Variants in MAP2K6 observed in about 807,000 individuals in gnomAD.
MAP2K6 encodes the protein dual specificity mitogen-activated protein kinase kinase 6.
In MAP2K6, 16 loss-of-function variants were observed where a neutral mutation model predicts 53.7. That is an observed-to-expected ratio of 0.30 (90% CI 0.20 to 0.45). The LOEUF (loss-of-function observed/expected upper bound fraction) is 0.45. Among genes scored for constraint, MAP2K6 ranks in the 20% least tolerant of loss-of-function variants. The pLI is 1.00. For synonymous variants in MAP2K6, 132 were observed against 143.1 expected (o/e 0.92, Z 0.55); for missense variants, 204 against 411.9 (o/e 0.50, Z 4.37).
intron 10 of MAP2K6, among the ~76,000 whole-genome samples, chr17:69,532,981 T>A (rs1286242028): frequency 6.6e-6 from 1 of 152,100 alleles, no homozygotes; most frequent in East Asian, 1.9e-4. Flanking sequence ...CAGGCTGGAG[T>A]GCAGTGGTGC....
In MAP2K6 at chr17:69,492,736, C is replaced by A. The variant is rs776670628; in HGVS notation, c.17-13044C>A. On this transcript the variant is annotated intron_variant, in intron 1 of 11. Coordinates refer to ENST00000590474, the MANE Select transcript of MAP2K6 (RefSeq NM_002758.4). ...CCCTCTGCCCCTCTGTGTAAGGACA[C>A]TTCTGATTGCATTTAAGTCCCACCT... 1.3e-3 allele frequency among the ~76,000 whole-genome samples: 196 copies of A among 152,200 alleles called. 1 individual carries two copies. Among genetic ancestry groups the A allele is most frequent in the Non-Finnish European group, 1.9e-3 (132 of 68,032 alleles).
At chr17:69,482,674 C>T (rs1908388942) in intron 1 of MAP2K6, among the ~76,000 whole-genome samples, 3 of 133,542 alleles carry the variant, frequency 2.2e-5, no homozygotes, top group African/African-American at 9.2e-5. Flanking sequence ...CCCTGTTCCT[C>T]ATTTAGCCAT....
At chr17:69,509,966 CA>C (rs1909731046) in intron 2 of MAP2K6, among the ~76,000 whole-genome samples, 1 of 152,068 alleles carries the variant, frequency 6.6e-6, no homozygotes, top group Admixed American at 6.6e-5. Flanking sequence ...TCTCAGCCTC[CA>C]AAGTAGGTGG....
chr17:69,552,061 A>G lies in MAP2K6; in HGVS notation c.*10308A>G, dbSNP rs1912121462. ...AATATGGACTTTGTAAGGAAACACA[A>G]CAACACGTTTTCTTACCTTCTGTAA... On this transcript the variant is annotated 3_prime_UTR_variant, in exon 12 of 12. Transcript: ENST00000590474. The G allele has an allele frequency of 6.6e-6, 1 of 152,142 alleles. No homozygotes were observed. Among genetic ancestry groups the G allele is most frequent in the Non-Finnish European group, 1.5e-5 (1 of 68,026 alleles). 9.4% of individuals were successfully genotyped at this position (152,142 alleles called of 1,614,324 possible). A position where few individuals can be genotyped will look rare whatever the true frequency, so the allele number is the denominator to read the frequency against.
chr17:69,487,372 T>A (rs1285839182), intron 1 of MAP2K6, among the ~76,000 whole-genome samples: 1 of 152,164 alleles, frequency 6.6e-6, no homozygotes, highest in Non-Finnish European at 1.5e-5. Flanking sequence ...ATTAAGCAAT[T>A]CGTGTGAAAT....
chr17:69,415,046 A>G (rs376609618), intron 1 of MAP2K6, 46 bp downstream of exon 1: 3 of 1,512,480 alleles, frequency 2.0e-6, no homozygotes, highest in South Asian at 2.3e-5. Context: ...AGGGTTGTGC[A>G]TGCATTTATG....
chr17:69,480,118 T>G (rs1261899126), intron 1 of MAP2K6, among the ~76,000 whole-genome samples: 1 of 152,176 alleles, frequency 6.6e-6, no homozygotes, highest in Non-Finnish European at 1.5e-5. Flanking sequence ...GCAAAAAGTA[T>G]TTTTTAAAAT....
chr17:69,452,921 T>C (rs1907275849), intron 1 of MAP2K6, among the ~76,000 whole-genome samples: 2 of 152,210 alleles, frequency 1.3e-5, no homozygotes, highest in Admixed American at 1.3e-4. Context: ...TTATAGTCAG[T>C]TGGTGATGAC....
chr17:69,552,713 T>A lies in MAP2K6; in HGVS notation c.*10960T>A, dbSNP rs1452045997. ...AATATATGAGCATCAAGTGATAACT[T>A]CAATAAGGCCTCAGGATTGTATTTA... On this transcript the variant is annotated 3_prime_UTR_variant, in exon 12 of 12. Transcript: ENST00000590474. 1 of 152,210 alleles carries A rather than the reference T, an allele frequency of 6.6e-6. No individual in the cohort carries two copies. The highest frequency in any genetic ancestry group is 1.5e-5 in the Non-Finnish European group (1 of 68,046). 9.4% of individuals were successfully genotyped at this position (152,210 alleles called of 1,614,324 possible).
At position 69,549,352 on chromosome 17, in the gene MAP2K6, C is replaced by T. The variant is rs1299002939; in HGVS notation, c.*7599C>T. On this transcript the variant is annotated 3_prime_UTR_variant, in exon 12 of 12. Coordinates refer to ENST00000590474, the MANE Select transcript of MAP2K6 (RefSeq NM_002758.4). ...CAGGGAGCGTATTGGCAAGTTTAGG[C>T]ACTTACTTGTGTCTTAATGTGGGAA... 1.3e-5 allele frequency: 2 copies of T among 152,288 alleles called. No individual in the cohort carries two copies. Among genetic ancestry groups the T allele is most frequent in the East Asian group, 3.9e-4 (2 of 5,188 alleles). 9.4% of individuals were successfully genotyped at this position (152,288 alleles called of 1,614,324 possible).
chr17:69,449,403 CAGA>C (rs1907092515), intron 1 of MAP2K6, among the ~76,000 whole-genome samples: 3 of 151,574 alleles, frequency 2.0e-5, no homozygotes, highest in African/African-American at 7.3e-5. Flanking sequence ...CTTTGTTTTG[CAGA>C]AGTTTTTTTG....
At chr17:69,523,423 G>A in intron 7 of MAP2K6, 91 bp from the exon 8 acceptor site, 1 of 1,542,506 alleles carries the variant, frequency 6.5e-7, no homozygotes, top group Non-Finnish European at 8.9e-7. Context: ...GAAGATGAAG[G>A]ACAAATGGAG....
At position 69,422,239 on chromosome 17, in the gene MAP2K6, C is replaced by A. The variant is rs533636332; in HGVS notation, c.16+7239C>A. Reference sequence around the variant, plus strand: ...CTCTGATTCCCAGTTTCAAGCAATTCTCCTGCCTCAGCCTCCCGAGTAGCT... The same window carrying A: ...CTCTGATTCCCAGTTTCAAGCAATTATCCTGCCTCAGCCTCCCGAGTAGCT... On this transcript the variant is annotated intron_variant, in intron 1 of 11. Coordinates refer to ENST00000590474, the MANE Select transcript of MAP2K6 (RefSeq NM_002758.4). Among the ~76,000 whole-genome samples the A allele has an allele frequency of 4.9e-5, 7 of 141,804 alleles. No individual in the cohort carries two copies. In the South Asian group the frequency reaches 1.6e-3, roughly 33 times the overall value. The allele number at this position is 141,804 out of a possible 152,430, so 93.0% of individuals were successfully genotyped here.
intron 2 of MAP2K6, among the ~76,000 whole-genome samples, chr17:69,513,629 T>C (rs188662694): frequency 1.3e-5 from 2 of 151,402 alleles, no homozygotes; most frequent in African/African-American, 4.9e-5. Context: ...GTTGTTTATT[T>C]TTTGTTTTTT....
chr17:69,451,249 G>A (rs1040394587), intron 1 of MAP2K6, among the ~76,000 whole-genome samples: 1 of 152,144 alleles, frequency 6.6e-6, no homozygotes, highest in Non-Finnish European at 1.5e-5. Context: ...TTTGCAAGCC[G>A]GTTGCAAGCC....
intron 1 of MAP2K6, among the ~76,000 whole-genome samples, chr17:69,423,089 T>C (rs1231301477): frequency 2.6e-5 from 4 of 152,182 alleles, no homozygotes; most frequent in African/African-American, 9.7e-5. Context: ...TTCACCATGT[T>C]GGCCAGGATG....
intron 1 of MAP2K6, among the ~76,000 whole-genome samples, chr17:69,421,737 A>G (rs1471072400): frequency 4.0e-5 from 6 of 150,744 alleles, no homozygotes; most frequent in Admixed American, 6.6e-5. Context: ...TAGAGATGGG[A>G]TTTCACCGTG....
At position 69,550,510 on chromosome 17, in the gene MAP2K6, C is replaced by G. The variant is rs1033712033; in HGVS notation, c.*8757C>G. On this transcript the variant is annotated 3_prime_UTR_variant, in exon 12 of 12. Coordinates refer to ENST00000590474, the MANE Select transcript of MAP2K6 (RefSeq NM_002758.4). ...GATTTTATAATTTTAAAATATAATA[C>G]TGAAAGCTAGTTTGAAGTTTCAGAA... The G allele has an allele frequency of 6.6e-6, 1 of 152,210 alleles. No homozygotes were observed. Among genetic ancestry groups the G allele is most frequent in the Non-Finnish European group, 1.5e-5 (1 of 68,036 alleles). 9.4% of individuals were successfully genotyped at this position (152,210 alleles called of 1,614,324 possible). A position where few individuals can be genotyped will look rare whatever the true frequency, so the allele number is the denominator to read the frequency against.
intron 2 of MAP2K6, among the ~76,000 whole-genome samples, chr17:69,513,378 T>C (rs918246699): frequency 6.6e-6 from 1 of 152,228 alleles, no homozygotes; most frequent in African/African-American, 2.4e-5. Flanking sequence ...TTTCTCCTCC[T>C]TAAATCAAGG....
Sources: allele counts gnomAD v4.1 joint callset (sites outside exome capture counted in the v4.1 genomes callset), GRCh38; gene constraint gnomAD v4.1.1; transcripts MANE v1.5; gene names NCBI Gene and HGNC (gene_info 2026-07-23, HGNC 2026-07-21).